MNAT1: variants seen among roughly 807,000 people sequenced by gnomAD.
MNAT1 encodes the protein CDK-activating kinase assembly factor MAT1.
In MNAT1, 43 loss-of-function variants were observed where a neutral mutation model predicts 42.0. The ratio of observed to expected loss-of-function variants is 1.02; its 90% CI spans 0.80 to 1.32. MNAT1 has a LOEUF of 1.32. MNAT1 is among the 40% of genes most tolerant of loss of function. MNAT1 has a pLI of 0.00. For synonymous variants in MNAT1, 118 were observed against 120.0 expected (o/e 0.98, Z 0.11); for missense variants, 306 against 350.4 (o/e 0.87, Z 1.01).
At chr14:60,799,445 TA>T in intron 3 of MNAT1, 2 of 969,362 alleles carry the variant, frequency 2.1e-6, no homozygotes, top group Non-Finnish European at 2.5e-6. Context: ...AGCTGTTGGA[TA>T]GCAATTGGGA....
intron 1 of MNAT1, among the ~76,000 whole-genome samples, chr14:60,752,759 T>C (rs2030152509): frequency 6.6e-6 from 1 of 152,216 alleles, no homozygotes; most frequent in Non-Finnish European, 1.5e-5. Flanking sequence ...TCTACCATTG[T>C]ACTACTTATT....
chr14:60,887,959 G>T (rs1164570974), intron 7 of MNAT1, among the ~76,000 whole-genome samples: 4 of 149,952 alleles, frequency 2.7e-5, no homozygotes, highest in Non-Finnish European at 5.9e-5. Context: ...ATAATCAATA[G>T]CTTACCAACC....
chr14:60,861,351 A>G (rs1005496056), intron 6 of MNAT1, among the ~76,000 whole-genome samples: 3 of 152,122 alleles, frequency 2.0e-5, no homozygotes, highest in Non-Finnish European at 4.4e-5. Context: ...ATTATTTAAA[A>G]CATCTTCCTT....
At chr14:60,831,989 T>C (rs567394822) in intron 6 of MNAT1, among the ~76,000 whole-genome samples, 2 of 152,362 alleles carry the variant, frequency 1.3e-5, no homozygotes, top group East Asian at 1.9e-4. Context: ...TTGAGAAGTG[T>C]CTGTTCATAT....
Position 60,796,385 on chromosome 14 carries a change from C to A in MNAT1, c.242+16C>A. ...TGCTAAAGATGTAAGTATTCCTGCT[C>A]GAATGATTCAGTCAACAAAGAGGAC... On this transcript the variant is annotated intron_variant, in intron 2 of 7. Coordinates refer to ENST00000261245, the MANE Select transcript of MNAT1 (RefSeq NM_002431.4). The A allele has an allele frequency of 1.2e-6, 2 of 1,600,170 alleles. No individual in the cohort carries two copies. Among genetic ancestry groups the A allele is most frequent in the South Asian group, 2.3e-5 (2 of 88,544 alleles).
chr14:60,759,802 A>G (rs926218781), intron 1 of MNAT1, among the ~76,000 whole-genome samples: 3 of 152,252 alleles, frequency 2.0e-5, no homozygotes, highest in Non-Finnish European at 2.9e-5. Context: ...TGCTTTATGC[A>G]TAATATTTCT....
intron 3 of MNAT1, among the ~76,000 whole-genome samples, chr14:60,798,833 G>A (rs528940305): frequency 2.4e-4 from 37 of 152,176 alleles, no homozygotes; most frequent in Non-Finnish European, 4.9e-4. Flanking sequence ...TACTAAGTGC[G>A]GGTTTGGAAA....
At chr14:60,943,504 G>C (rs2036216798) in intron 7 of MNAT1, among the ~76,000 whole-genome samples, 2 of 152,064 alleles carry the variant, frequency 1.3e-5, no homozygotes, top group Admixed American at 6.6e-5. Flanking sequence ...GTCATCTTCT[G>C]GCTAATCTTT....
chr14:60,823,659 G>A (rs780647081), intron 6 of MNAT1, among the ~76,000 whole-genome samples: 2 of 151,810 alleles, frequency 1.3e-5, no homozygotes, highest in Non-Finnish European at 2.9e-5. Context: ...AGGAGTTTGA[G>A]ACCAGCCTGG....
intron 1 of MNAT1, among the ~76,000 whole-genome samples, chr14:60,764,760 A>G (rs1367957990): frequency 8.5e-5 from 13 of 152,242 alleles, no homozygotes; most frequent in Admixed American, 8.5e-4. Flanking sequence ...ATAGGCAAAT[A>G]AATAAATTAG....
chr14:60,903,266 A>G (rs2035110670), intron 7 of MNAT1, among the ~76,000 whole-genome samples: 1 of 151,934 alleles, frequency 6.6e-6, no homozygotes, highest in Non-Finnish European at 1.5e-5. Context: ...TAGTTTTTGA[A>G]CCTAATGGTG....
At chr14:60,895,246 T>C (rs2139494396) in intron 7 of MNAT1, among the ~76,000 whole-genome samples, 1 of 152,322 alleles carries the variant, frequency 6.6e-6, no homozygotes, top group Middle Eastern at 3.4e-3. Flanking sequence ...TCTGCTTTCT[T>C]ATTGTTTTTC....
chr14:60,878,060 C>CA (rs1010760812), intron 6 of MNAT1, among the ~76,000 whole-genome samples: 16 of 150,244 alleles, frequency 1.1e-4, no homozygotes, highest in African/African-American at 2.7e-4. Flanking sequence ...TTTGAGCTTT[C>CA]AAAAAAAACA....
At chr14:60,825,479 G>A (rs560064005) in intron 6 of MNAT1, among the ~76,000 whole-genome samples, 5 of 152,242 alleles carry the variant, frequency 3.3e-5, no homozygotes, top group African/African-American at 9.6e-5. Flanking sequence ...TTTGTTGAAC[G>A]CCTGCTATAA....
rs191192750 is a variant in MNAT1, at chr14:60,944,004, A to G, written c.810-24225A>G. On this transcript the variant is annotated intron_variant, in intron 7 of 7. Coordinates refer to ENST00000261245, the MANE Select transcript of MNAT1 (RefSeq NM_002431.4). Reference sequence around the variant, plus strand: ...TTATAGGTTTCTAACTAGAACTGCAATGTCATTCCAGAAACTATGCAAGGG... The same window carrying G: ...TTATAGGTTTCTAACTAGAACTGCAGTGTCATTCCAGAAACTATGCAAGGG... Among the ~76,000 whole-genome samples the G allele has an allele frequency of 1.6e-3, 238 of 152,352 alleles. 2 individuals are homozygous for G. The highest frequency in any genetic ancestry group is 5.4e-3 in the African/African-American group (223 of 41,590).
chr14:60,735,329 G>A (rs964881040), intron 1 of MNAT1, among the ~76,000 whole-genome samples: 1 of 152,150 alleles, frequency 6.6e-6, no homozygotes, highest in African/African-American at 2.4e-5. Flanking sequence ...AAGTGCGAAA[G>A]TGCTATGAAA....
intron 1 of MNAT1, among the ~76,000 whole-genome samples, chr14:60,766,283 G>T (rs1038986881): frequency 3.3e-5 from 5 of 150,712 alleles, no homozygotes; most frequent in Non-Finnish European, 7.4e-5. Flanking sequence ...GGAGGCGGAG[G>T]TTATAATGAG....
chr14:60,957,614 G>A (rs562114399), intron 7 of MNAT1, among the ~76,000 whole-genome samples: 78 of 152,184 alleles, frequency 5.1e-4, no homozygotes, highest in Non-Finnish European at 9.4e-4. Context: ...GGAAACAGCC[G>A]AACCATATCA....
intron 7 of MNAT1, among the ~76,000 whole-genome samples, chr14:60,938,715 C>G (rs200862668): frequency 1.3e-5 from 2 of 152,008 alleles, no homozygotes; most frequent in African/African-American, 4.8e-5. Context: ...TGTCTCTGCC[C>G]GGCTTTGGTA....
Sources: allele counts gnomAD v4.1 joint callset (sites outside exome capture counted in the v4.1 genomes callset), GRCh38; gene constraint gnomAD v4.1.1; transcripts MANE v1.5; gene names NCBI Gene and HGNC (gene_info 2026-07-23, HGNC 2026-07-21).